The following TRAPPC9 variants were observed in gnomAD, a reference collection of about 807,000 sequenced individuals.
TRAPPC9 encodes IKK2 binding protein.
Under a neutral mutation model 124.0 loss-of-function variants are expected in TRAPPC9, and 83 were observed. The observed-to-expected ratio is 0.67, with a 90% confidence interval of 0.56 to 0.80. TRAPPC9 has a LOEUF of 0.80. TRAPPC9 is among the 30% of genes least tolerant of loss of function. The probability of loss-of-function intolerance (pLI) is 0.00; values close to 1 mark genes in which losing one functional copy is unlikely to be tolerated. For synonymous variants in TRAPPC9, 638 were observed against 617.5 expected, an observed-to-expected ratio of 1.03 and a Z score of -0.49; for missense variants, 1,302 against 1,508.3, an observed-to-expected ratio of 0.86 and a Z score of 2.27.
At chr8:139,942,892 G>C (rs969145820) in intron 19 of TRAPPC9, among the ~76,000 whole-genome samples, 5 of 152,150 alleles carry the variant, frequency 3.3e-5, no homozygotes, top group African/African-American at 1.2e-4. Flanking sequence ...GGGAAAGGGA[G>C]GGAGAGTTCA....
intron 7 of TRAPPC9, among the ~76,000 whole-genome samples, chr8:140,379,528 C>A (rs527557114): frequency 6.6e-6 from 1 of 152,276 alleles, no homozygotes; most frequent in Admixed American, 6.5e-5. Context: ...AGCCCCAAAT[C>A]TTCACAGTAT....
chr8:139,735,551 G>A (rs1818102994), intron 21 of TRAPPC9, among the ~76,000 whole-genome samples: 1 of 152,230 alleles, frequency 6.6e-6, no homozygotes. Flanking sequence ...AAAAGGTGGG[G>A]AGATGGAGAG....
At chr8:139,956,441 G>C (rs1245164147) in intron 19 of TRAPPC9, among the ~76,000 whole-genome samples, 1 of 152,134 alleles carries the variant, frequency 6.6e-6, no homozygotes, top group Non-Finnish European at 1.5e-5. Context: ...GATTACAGGC[G>C]TGAGCCACCG....
chr8:140,407,074 C>G (rs539001648), intron 5 of TRAPPC9, among the ~76,000 whole-genome samples: 18 of 152,276 alleles, frequency 1.2e-4, no homozygotes, highest in African/African-American at 3.9e-4. Flanking sequence ...GAAGCAGGAC[C>G]TACGTCAGGA....
intron 21 of TRAPPC9, among the ~76,000 whole-genome samples, chr8:139,842,429 GA>G (rs1404831263): frequency 1.3e-5 from 2 of 152,146 alleles, no homozygotes; most frequent in African/African-American, 4.8e-5. Context: ...GTTTCTAAGG[GA>G]AAAAACAAAC....
chr8:140,243,854 G>A lies in TRAPPC9; in HGVS notation c.2431+8923C>T, dbSNP rs560140693. Among the ~76,000 whole-genome samples, 59 of 152,306 alleles carry A rather than the reference G, an allele frequency of 3.9e-4. No homozygotes were observed. The South Asian group carries it at 0.012, about 30-fold the overall frequency. On this transcript the variant is annotated intron_variant, in intron 16 of 22. Transcript: ENST00000438773. ...TACTGTTCTGTTTGTTCCCTAAGGC[G>A]GGGGCCCGCAACCCCTGGTGGCCTG...
chr8:140,449,858 G>C (rs1436699364), intron 2 of TRAPPC9, among the ~76,000 whole-genome samples: 2 of 152,218 alleles, frequency 1.3e-5, no homozygotes. Context: ...AAAGGGACGA[G>C]ACTGAATAAA....
chr8:139,896,606 C>T (rs1830685868), intron 20 of TRAPPC9, among the ~76,000 whole-genome samples: 1 of 152,222 alleles, frequency 6.6e-6, no homozygotes, highest in South Asian at 2.1e-4. Flanking sequence ...AGGCTGACCC[C>T]TGAACCCACA....
intron 17 of TRAPPC9, among the ~76,000 whole-genome samples, chr8:140,143,779 G>C (rs1257086618): frequency 1.3e-5 from 2 of 152,098 alleles, no homozygotes; most frequent in African/African-American, 4.8e-5. Context: ...TTTATGAAAA[G>C]TTCTGATTTT....
chr8:140,029,392 C>A (rs955888136), intron 17 of TRAPPC9, among the ~76,000 whole-genome samples: 3 of 152,184 alleles, frequency 2.0e-5, no homozygotes, highest in Non-Finnish European at 4.4e-5. Context: ...GTAATCACAG[C>A]TACTCAGGAG....
At chr8:139,884,039 T>G (rs1012484160) in intron 21 of TRAPPC9, among the ~76,000 whole-genome samples, 1 of 152,180 alleles carries the variant, frequency 6.6e-6, no homozygotes, top group South Asian at 2.1e-4. Context: ...TAGGGCGGCA[T>G]GGACCTCTCC....
intron 17 of TRAPPC9, among the ~76,000 whole-genome samples, chr8:140,192,542 C>A (rs1382032569): frequency 1.3e-5 from 2 of 152,206 alleles, no homozygotes; most frequent in African/African-American, 4.8e-5. Flanking sequence ...AAGCTGCCCG[C>A]CCACAGCCCT....
intron 21 of TRAPPC9, among the ~76,000 whole-genome samples, chr8:139,824,468 C>T (rs555010005): frequency 2.0e-5 from 3 of 152,310 alleles, no homozygotes; most frequent in Admixed American, 6.5e-5. Flanking sequence ...CACGTCTGAG[C>T]AGGGCGACTT....
At chr8:140,187,014 G>A (rs971512983) in intron 17 of TRAPPC9, among the ~76,000 whole-genome samples, 6 of 152,226 alleles carry the variant, frequency 3.9e-5, no homozygotes, top group African/African-American at 4.8e-5. Context: ...GTCTCTACAC[G>A]GTACTCTACA....
chr8:140,271,979 ATGGTGGTGG>A (rs1230597490), intron 15 of TRAPPC9, among the ~76,000 whole-genome samples: 1 of 144,372 alleles, frequency 6.9e-6, no homozygotes, highest in Non-Finnish European at 1.5e-5. Context: ...GATGGCAGTA[ATGGTGGTGG>A]TGGTGGTGGT....
intron 21 of TRAPPC9, among the ~76,000 whole-genome samples, chr8:139,814,439 A>C (rs1824685451): frequency 6.6e-6 from 1 of 152,172 alleles, no homozygotes; most frequent in Admixed American, 6.5e-5. Context: ...GAAGTCCCTC[A>C]GGCAAGAGCA....
chr8:139,806,646 G>C (rs1215942480), intron 21 of TRAPPC9, among the ~76,000 whole-genome samples: 1 of 152,106 alleles, frequency 6.6e-6, no homozygotes, highest in Non-Finnish European at 1.5e-5. Flanking sequence ...GACTCTGAGT[G>C]GCTCCTTGAA....
chr8:140,004,852 AGT>A (rs1251375354), intron 18 of TRAPPC9, among the ~76,000 whole-genome samples: 8 of 152,182 alleles, frequency 5.3e-5, no homozygotes, highest in Non-Finnish European at 7.4e-5. Context: ...CATTCCCAGG[AGT>A]GTACTAAAGT....
intron 9 of TRAPPC9, among the ~76,000 whole-genome samples, chr8:140,346,249 T>TG (rs780961590): frequency 2.0e-5 from 3 of 152,186 alleles, no homozygotes; most frequent in Admixed American, 2.0e-4. Context: ...TTCTCCCAGT[T>TG]GCTCCATCTC....
Sources: allele counts gnomAD v4.1 joint callset (sites outside exome capture counted in the v4.1 genomes callset), GRCh38; gene constraint gnomAD v4.1.1; transcripts MANE v1.5; gene names NCBI Gene and HGNC (gene_info 2026-07-23, HGNC 2026-07-21).